The following NCKAP1 variants were observed in gnomAD, a reference collection of about 807,000 sequenced individuals.
The protein encoded by NCKAP1 is nck-associated protein 1.
In NCKAP1, 21 loss-of-function variants were observed where a neutral mutation model predicts 151.2. That is an observed-to-expected ratio of 0.14 (90% CI 0.10 to 0.20). NCKAP1 has a LOEUF of 0.20. NCKAP1 is among the 10% of genes least tolerant of loss of function. The pLI is 1.00. For missense variants in NCKAP1, 933 were observed against 1,352.1 expected, an observed-to-expected ratio of 0.69 and a Z score of 4.86; for synonymous variants, 484 against 451.8, an observed-to-expected ratio of 1.07 and a Z score of -0.90.
At chr2:183,037,955 G>A in intron 1 of NCKAP1, 37 bp downstream of exon 1, 1 of 1,515,248 alleles carries the variant, frequency 6.6e-7, no homozygotes, top group Admixed American at 1.9e-5. Context: ...TCCCGGGCCC[G>A]CCCGCCTCCG....
intron 17 of NCKAP1, among the ~76,000 whole-genome samples, chr2:182,962,823 GA>G (rs75963920): frequency 1.4e-3 from 173 of 119,560 alleles, no homozygotes; most frequent in Middle Eastern, 4.5e-3. Context: ...CTCCCAGGAA[GA>G]AAAAAAAAAA....
At chr2:183,021,444 TA>T (rs1252750697) in intron 2 of NCKAP1, among the ~76,000 whole-genome samples, 1 of 151,874 alleles carries the variant, frequency 6.6e-6, no homozygotes, top group Non-Finnish European at 1.5e-5. Context: ...GATAAAAAAT[TA>T]AAAAAAATTT....
chr2:183,037,980 G>A lies in NCKAP1; in HGVS notation c.108+12C>T, dbSNP rs1254265886. ...GCCCGCCTCCGCCGCGGCCTCCCCG[G>A]CCCGTGCGCACCTTCTTGATGTTGT... On this transcript the variant is annotated intron_variant, in intron 1 of 30. Transcript: ENST00000361354. The A allele has an allele frequency of 3.2e-6, 5 of 1,572,744 alleles. No homozygotes were observed. The highest frequency in any genetic ancestry group is 1.8e-5 in the Admixed American group (1 of 56,786).
Position 182,910,957 on chromosome 2 carries a change from C to G in NCKAP1, c.*14745G>C, listed in dbSNP as rs929087077. ...AAAAATAAAATCCTAAGCTCCCCCCCCACATTTGACTAAACAGACCCTCTC... is the reference window on the plus strand; with the variant it reads ...AAAAATAAAATCCTAAGCTCCCCCCGCACATTTGACTAAACAGACCCTCTC... On this transcript the variant is annotated 3_prime_UTR_variant, in exon 31 of 31. Coordinates refer to ENST00000361354, the MANE Select transcript of NCKAP1 (RefSeq NM_013436.5). 3 of 148,496 alleles carry G rather than the reference C, an allele frequency of 2.0e-5. No individual in the cohort carries two copies. The highest frequency in any genetic ancestry group is 7.4e-5 in the African/African-American group (3 of 40,706). 9.2% of individuals were successfully genotyped at this position (148,496 alleles called of 1,614,324 possible).
chr2:183,037,437 A>G (rs1416891617), intron 1 of NCKAP1, among the ~76,000 whole-genome samples: 2 of 152,036 alleles, frequency 1.3e-5, no homozygotes, highest in Non-Finnish European at 2.9e-5. Context: ...TCGTCAACAC[A>G]CTCTCAATGG....
Position 183,027,423 on chromosome 2 carries a change from C to T in NCKAP1, c.109-3507G>A, listed in dbSNP as rs541690164. On this transcript the variant is annotated intron_variant, in intron 1 of 30. Transcript: ENST00000361354. ...AAAATCCACTTACTTGATTTATTTG[C>T]TTAATAACAAGAGAGACACTTGTAT... 1.2e-4 allele frequency among the ~76,000 whole-genome samples: 19 copies of T among 152,134 alleles called. No individual in the cohort carries two copies. The East Asian group carries it at 3.7e-3, about 29-fold the overall frequency.
At chr2:182,976,602 G>C (rs1697829567) in intron 15 of NCKAP1, among the ~76,000 whole-genome samples, 1 of 152,110 alleles carries the variant, frequency 6.6e-6, no homozygotes, top group Non-Finnish European at 1.5e-5. Context: ...AAGATTTTGT[G>C]CTTTCACTTT....
chr2:183,033,319 C>A (rs1359277354), intron 1 of NCKAP1, among the ~76,000 whole-genome samples: 1 of 152,198 alleles, frequency 6.6e-6, no homozygotes, highest in Non-Finnish European at 1.5e-5. Flanking sequence ...ACTCTGCAAT[C>A]TGAAATAGTA....
chr2:182,913,596 T>C lies in NCKAP1; in HGVS notation c.*12106A>G, dbSNP rs1696426886. The C allele has an allele frequency of 6.6e-6, 1 of 152,216 alleles. No homozygotes were observed. Among genetic ancestry groups the C allele is most frequent in the Non-Finnish European group, 1.5e-5 (1 of 68,052 alleles). The allele number at this position is 152,216 out of a possible 1,614,324, so 9.4% of individuals were successfully genotyped here. On this transcript the variant is annotated 3_prime_UTR_variant, in exon 31 of 31. Coordinates refer to ENST00000361354, the MANE Select transcript of NCKAP1 (RefSeq NM_013436.5). ...ACCCTTGACCTTGTACTTCCCAGCA[T>C]CTAAAATGGTAAGCAATAAATTTCT...
chr2:183,022,655 C>A (rs995169873), intron 2 of NCKAP1, among the ~76,000 whole-genome samples: 7 of 152,102 alleles, frequency 4.6e-5, no homozygotes, highest in African/African-American at 1.7e-4. Context: ...CTCTACTAAC[C>A]TGTACTCCCC....
chr2:182,996,677 C>T lies in NCKAP1; in HGVS notation c.604-839G>A, dbSNP rs573875890. The stretch of plus-strand genomic sequence containing the variant: ...TTCACCGTGTTAGCCAGGATGGTCT[C>T]GATCTCCTGACCTCCTGATCCGCCT... On this transcript the variant is annotated intron_variant, in intron 6 of 30. Coordinates refer to ENST00000361354, the MANE Select transcript of NCKAP1 (RefSeq NM_013436.5). 4.6e-5 allele frequency among the ~76,000 whole-genome samples: 7 copies of T among 152,242 alleles called. No individual in the cohort carries two copies. The East Asian group carries it at 1.4e-3, about 29-fold the overall frequency.
intron 1 of NCKAP1, among the ~76,000 whole-genome samples, chr2:183,026,106 A>T (rs1382704754): frequency 3.3e-5 from 5 of 152,198 alleles, no homozygotes; most frequent in African/African-American, 4.8e-5. Context: ...CACATATATA[A>T]ATGAGCAGCT....
chr2:182,995,884 T>A lies in NCKAP1; in HGVS notation c.604-46A>T, dbSNP rs372493941. 7.2e-6 allele frequency: 11 copies of A among 1,520,644 alleles called. No homozygotes were observed. The South Asian group carries it at 1.2e-4, about 17-fold the overall frequency. The allele number at this position is 1,520,644 out of a possible 1,614,324, so 94.2% of individuals were successfully genotyped here. A position where few individuals can be genotyped will look rare whatever the true frequency, so the allele number is the denominator to read the frequency against. On this transcript the variant is annotated intron_variant, in intron 6 of 30. Transcript: ENST00000361354. ...AAGCTGAAGAATAATTTTCTTTCCT[T>A]TTCTGTTTACATTGCAGCTATAATT...
At chr2:182,963,230 G>C (rs1468084507) in intron 17 of NCKAP1, among the ~76,000 whole-genome samples, 2 of 151,892 alleles carry the variant, frequency 1.3e-5, no homozygotes, top group Non-Finnish European at 1.5e-5. Flanking sequence ...TTAAATATTG[G>C]TTCACCTTAG....
At chr2:182,967,006 C>T (rs957717463) in intron 16 of NCKAP1, among the ~76,000 whole-genome samples, 8 of 152,164 alleles carry the variant, frequency 5.3e-5, no homozygotes, top group African/African-American at 1.7e-4. Context: ...CAGTAAGTTG[C>T]TCTTTTAGAG....
At chr2:183,032,193 G>A (rs577102403) in intron 1 of NCKAP1, among the ~76,000 whole-genome samples, 2 of 152,080 alleles carry the variant, frequency 1.3e-5, no homozygotes, top group Non-Finnish European at 2.9e-5. Flanking sequence ...CTACAGCCCA[G>A]AAATGTTAAA....
At chr2:182,980,089 G>A (rs1697907133) in intron 13 of NCKAP1, among the ~76,000 whole-genome samples, 1 of 151,974 alleles carries the variant, frequency 6.6e-6, no homozygotes, top group Admixed American at 6.6e-5. Context: ...CTGTATGCTA[G>A]TATGAATAAA....
rs1696615864 is a variant in NCKAP1 at position 182,925,137 on chromosome 2, A to G, written c.*565T>C. Reference sequence around the variant, plus strand: ...ATGCTGCTGCTCTTAGAATTTTGGGAAATGATCTGCTTCTAATACTAAGCA... The same window carrying G: ...ATGCTGCTGCTCTTAGAATTTTGGGGAATGATCTGCTTCTAATACTAAGCA... On this transcript the variant is annotated 3_prime_UTR_variant, in exon 31 of 31. Coordinates refer to ENST00000361354, the MANE Select transcript of NCKAP1 (RefSeq NM_013436.5). 1 of 152,136 alleles carries G rather than the reference A, an allele frequency of 6.6e-6. No homozygotes were observed. Among genetic ancestry groups the G allele is most frequent in the Admixed American group, 6.6e-5 (1 of 15,264 alleles). The allele number at this position is 152,136 out of a possible 1,614,324, so 9.4% of individuals were successfully genotyped here.
At chr2:182,946,380 G>A (rs558499111) in intron 23 of NCKAP1, among the ~76,000 whole-genome samples, 3 of 151,534 alleles carry the variant, frequency 2.0e-5, no homozygotes, top group South Asian at 2.1e-4. Flanking sequence ...TAGCCTGGGC[G>A]ACAGAGCGAG....
Sources: gnomAD v4.1 joint callset for allele counts (sites outside exome capture counted in the v4.1 genomes callset) on GRCh38, gnomAD v4.1.1 for gene constraint, MANE v1.5 for transcripts, NCBI Gene and HGNC (gene_info 2026-07-23, HGNC 2026-07-21) for gene names.